PLXND1: variants seen among roughly 807,000 people sequenced by gnomAD.
PLXND1 encodes plexin-D1.
In PLXND1, 54 loss-of-function variants were observed where a neutral mutation model predicts 197.7. The ratio of observed to expected loss-of-function variants is 0.27; its 90% CI spans 0.22 to 0.34. The LOEUF is 0.34. PLXND1 is among the 10% of genes least tolerant of loss of function. The probability of loss-of-function intolerance (pLI) is 1.00; values close to 1 mark genes in which losing one functional copy is unlikely to be tolerated. For synonymous variants in PLXND1, 1,180 were observed against 1,161.2 expected (o/e 1.02, Z -0.33); for missense variants, 2,127 against 2,699.2 (o/e 0.79, Z 4.70).
At chr3:129,593,152 A>C (rs2085571320) in intron 1 of PLXND1, among the ~76,000 whole-genome samples, 1 of 152,026 alleles carries the variant, frequency 6.6e-6, no homozygotes, top group South Asian at 2.1e-4. Flanking sequence ...GACCCTCCCT[A>C]CCTACAACCC....
rs368387330 is a variant in PLXND1 at position 129,596,340 on chromosome 3, G to T, written c.1312-6813C>A. ...CGGCCTGCTCTGCCCTGGCGCCTGG[G>T]AACCACCGCCACAGTCGCTGACTCA... On this transcript the variant is annotated intron_variant, in intron 1 of 35. Coordinates refer to ENST00000324093, the MANE Select transcript of PLXND1 (RefSeq NM_015103.3). Among the ~76,000 whole-genome samples, 41 of 152,250 alleles carry T rather than the reference G, an allele frequency of 2.7e-4. No individual in the cohort carries two copies. The East Asian group carries it at 6.8e-3, about 25-fold the overall frequency.
At position 129,571,747 on chromosome 3, in the gene PLXND1, C is replaced by G. The variant is rs200072931; in HGVS notation, c.3175G>C (p.Gly1059Arg). The G allele has an allele frequency of 6.2e-7, 1 of 1,613,480 alleles. No individual in the cohort carries two copies. ...VRFERRGCVH[G>R]NLTFWYMQNP... ...TGCATGTACCAGAAGGTGAGGTTGC[C>G]GTGCACGCAGCCCCGACGCTCGAAG... Residue 1059 changes from glycine to arginine, a missense_variant, in exon 16 of 36, where the codon GGC (glycine) becomes CGC (arginine). By Grantham distance (125) the Gly-to-Arg change is moderately radical. Transcript: ENST00000324093.
chr3:129,593,740 G>T (rs955783526), intron 1 of PLXND1, among the ~76,000 whole-genome samples: 7 of 152,232 alleles, frequency 4.6e-5, no homozygotes, highest in Admixed American at 4.6e-4. Context: ...TACTCTGCGT[G>T]TGGCAACAAA....
chr3:129,581,699 C>G (rs2085389712), intron 8 of PLXND1, among the ~76,000 whole-genome samples: 1 of 152,238 alleles, frequency 6.6e-6, no homozygotes, highest in South Asian at 2.1e-4. Flanking sequence ...TCCCTAAGAT[C>G]ATACAGCCAC....
intron 29 of PLXND1, 171 bp from the exon 30 acceptor site, chr3:129,560,894 G>C: frequency 1.5e-6 from 1 of 687,690 alleles, no homozygotes; most frequent in Non-Finnish European, 2.7e-6. Context: ...GAGATCCAAA[G>C]AGACAGTCAG....
rs1026654649 is a variant in PLXND1 at position 129,577,752 on chromosome 3, G to A, written c.2346+577C>T. ...CCCCCAGCCCAGATGGTGGGGGCGG[G>A]GCTAGTTGCAAAGACGAGCACTGGT... is the stretch of plus-strand genomic sequence containing the variant. On this transcript the variant is annotated intron_variant, in intron 9 of 35. Transcript: ENST00000324093. The surrounding 1 kb of genome is among the most constrained non-coding windows in gnomAD (Gnocchi z 5.0). Among the ~76,000 whole-genome samples the A allele has an allele frequency of 6.6e-6, 1 of 152,204 alleles. No homozygotes were observed. Among genetic ancestry groups the A allele is most frequent in the Admixed American group, 6.5e-5 (1 of 15,288 alleles).
At position 129,565,556 on chromosome 3, in the gene PLXND1, G is replaced by T. The variant is rs2085126956; in HGVS notation, c.4323-18C>A. 6.2e-7 allele frequency: 1 copy of T among 1,607,242 alleles called. No individual in the cohort carries two copies. The highest frequency in any genetic ancestry group is 1.7e-5 in the Admixed American group (1 of 59,920). ...GGCTGCACCTGTGAGCGGGAGGCAG[G>T]TGTCAACTGCACCTTGAGGCCCTAG... On this transcript the variant is annotated intron_variant, in intron 24 of 35. Transcript: ENST00000324093.
At position 129,558,464 on chromosome 3, in the gene PLXND1, G is replaced by A. The variant is rs147200049; in HGVS notation, c.5409C>T (p.Ile1803=). ...GCAGGTCAGAGATGGAGCAGGCGTC[G>A]ATGAAGGCCTGCGCGATGACTGAAA... The part of the protein sequence containing the change: ...ACLSVIAQAF[I]DACSISDLQL... The change falls in exon 33 of 36, where the codon ATC becomes ATT. Residue 1803 remains isoleucine (I), a synonymous_variant. Transcript: ENST00000324093. This position sits in a 1 kb window ranked among gnomAD's most constrained non-coding sequence, Gnocchi z 4.1. 38 of 1,613,918 alleles carry A rather than the reference G, an allele frequency of 2.4e-5. No homozygotes were observed. The highest frequency in any genetic ancestry group is 3.3e-4 in the Middle Eastern group (2 of 6,060).
In PLXND1 at chr3:129,571,498, G is replaced by T; in HGVS notation, c.3336+11C>A. ...ACCCCCTCCCACCCATCAGGCCCCC[G>T]AATGCCTCACCGTGGGCTCCCGGCC... is the stretch of plus-strand genomic sequence containing the variant. On this transcript the variant is annotated intron_variant, in intron 17 of 35. Transcript: ENST00000324093. 1 of 1,609,994 alleles carries T rather than the reference G, an allele frequency of 6.2e-7. No homozygotes were observed. Among genetic ancestry groups the T allele is most frequent in the Non-Finnish European group, 8.5e-7 (1 of 1,176,830 alleles).
rs550715014 is a variant in PLXND1, at chr3:129,572,718, T to C, written c.2968A>G (p.Met990Val). 6.3e-7 allele frequency: 1 copy of C among 1,599,244 alleles called. No homozygotes were observed. The highest frequency in any genetic ancestry group is 1.3e-5 in the African/African-American group (1 of 74,724). The change falls in exon 15 of 36, where the codon ATG becomes GTG. Residue 990 changes from methionine to valine, a missense_variant. Transcript: ENST00000324093. The stretch of plus-strand genomic sequence containing the variant: ...CTGGTGCCCCCGGCCTTGGGGCCCA[T>C]GGTAGGCTCCAGGGAGTGGACCAGG... ...LPLVHSLEPT[M>V]GPKAGGTRIT...
chr3:129,562,567 C>T (rs144068266), intron 27 of PLXND1: 348 of 460,612 alleles, frequency 7.6e-4, no homozygotes, highest in Non-Finnish European at 1.1e-3. Flanking sequence ...AATTAGGAAG[C>T]CTTTCCTGAA....
In PLXND1 at chr3:129,561,846, A is replaced by T. The variant is rs1267792615; in HGVS notation, c.4883T>A (p.Val1628Glu). The T allele has an allele frequency of 2.5e-6, 4 of 1,613,802 alleles. No individual in the cohort carries two copies. Among genetic ancestry groups the T allele is most frequent in the East Asian group, 2.2e-5 (1 of 44,872 alleles). ...AAGCTTCTTGCGGCCGTCTTCCACC[A>T]CTGAGGTGTCGTCCAGGTCCCGAAG... is the stretch of plus-strand genomic sequence containing the variant. ...YILRDLDDTS[V>E]VEDGRKKLNT... Residue 1628 changes from valine to glutamate, a missense_variant, in exon 28 of 36, where the codon GTG (valine) becomes GAG (glutamate). Val to Glu is a moderately radical substitution (Grantham distance 121, BLOSUM62 -2). This residue lies in a region of PLXND1 where 532 missense variants were observed against 811.0 expected (regional missense o/e 0.66). Transcript: ENST00000324093.
intron 2 of PLXND1, 35 bp downstream of exon 2, chr3:129,589,316 C>CCCCCCCCCCCCCCCCCCCCCCCCACCCCA: frequency 1.5e-6 from 1 of 685,460 alleles, no homozygotes; most frequent in Admixed American, 2.7e-5. Context: ...AGCCTCCCAC[C>CCCCCCCCCCCCCCCCCCCCCCCCACCCCA]CCCACCCCCT....
At chr3:129,564,361 C>G (rs1031068833) in intron 25 of PLXND1, among the ~76,000 whole-genome samples, 2 of 152,276 alleles carry the variant, frequency 1.3e-5, no homozygotes, top group Non-Finnish European at 2.9e-5. Context: ...CCCAGGACAT[C>G]TTGGCTGGGT....
chr3:129,584,705 A>G, intron 5 of PLXND1, 143 bp from the exon 6 acceptor site: 1 of 708,666 alleles, frequency 1.4e-6, no homozygotes, highest in Non-Finnish European at 2.3e-6. Context: ...TCAGGGCCAG[A>G]GGGCTATGCC....
At chr3:129,594,372 G>C (rs1414488133) in intron 1 of PLXND1, among the ~76,000 whole-genome samples, 2 of 152,158 alleles carry the variant, frequency 1.3e-5, no homozygotes, top group African/African-American at 4.8e-5. Context: ...TAATCCCAGC[G>C]CTTTGGGAGG....
chr3:129,598,933 T>C (rs2085666341), intron 1 of PLXND1, among the ~76,000 whole-genome samples: 1 of 152,092 alleles, frequency 6.6e-6, no homozygotes, highest in South Asian at 2.1e-4. Flanking sequence ...TTAAAAGATA[T>C]GTAAAGTGCT....
chr3:129,604,186 C>G (rs893938069), intron 1 of PLXND1, among the ~76,000 whole-genome samples: 2 of 152,164 alleles, frequency 1.3e-5, no homozygotes, highest in African/African-American at 4.8e-5. Flanking sequence ...TGCCTGTACT[C>G]CTCCTCATTC....
At chr3:129,597,492 C>CCCA (rs146899806) in intron 1 of PLXND1, among the ~76,000 whole-genome samples, 8,089 of 151,936 alleles carry the variant, frequency 0.053, 259 homozygotes, top group East Asian at 0.11. Flanking sequence ...GGCCCCCCCC[C>CCCA]ATTATTTACC....
Sources: allele counts gnomAD v4.1 joint callset (sites outside exome capture counted in the v4.1 genomes callset), GRCh38; gene constraint gnomAD v4.1.1; regional missense constraint gnomAD v4.1.1; non-coding constraint Gnocchi (gnomAD v3.1); transcripts MANE v1.5; gene names NCBI Gene and HGNC (gene_info 2026-07-23, HGNC 2026-07-21).